Variants in CCNYL1 observed in about 807,000 individuals in gnomAD.
CCNYL1 encodes the protein cyclin-Y-like protein 1.
CCNYL1 carries 16 observed loss-of-function variants against 44.2 expected under a neutral mutation model. That is an observed-to-expected ratio of 0.36 (90% CI 0.25 to 0.55). CCNYL1 has a LOEUF of 0.55. Ranked by LOEUF, CCNYL1 falls within the 20% of genes least tolerant of loss-of-function variation. The pLI is 0.85. For synonymous variants in CCNYL1, 159 were observed against 163.2 expected, an observed-to-expected ratio of 0.97 and a Z score of 0.20; for missense variants, 348 against 451.8, an observed-to-expected ratio of 0.77 and a Z score of 2.08.
At chr2:207,717,699 A>G (rs917154314) in intron 1 of CCNYL1, among the ~76,000 whole-genome samples, 3 of 152,084 alleles carry the variant, frequency 2.0e-5, no homozygotes, top group African/African-American at 7.2e-5. Context: ...GTCCACACAG[A>G]CAGTTACTTT....
intron 7 of CCNYL1, among the ~76,000 whole-genome samples, chr2:207,745,187 T>C (rs2091845544): frequency 6.6e-6 from 1 of 151,800 alleles, no homozygotes; most frequent in African/African-American, 2.4e-5. Context: ...TCCGGGGAGT[T>C]GTGGGGAGGG....
At chr2:207,749,530 TG>T (rs2091877618) in intron 8 of CCNYL1, among the ~76,000 whole-genome samples, 1 of 152,268 alleles carries the variant, frequency 6.6e-6, no homozygotes, top group Non-Finnish European at 1.5e-5. Flanking sequence ...ATGCATATTC[TG>T]TAAGCATAAT....
chr2:207,744,972 C>A (rs1162156858), intron 7 of CCNYL1, among the ~76,000 whole-genome samples: 2 of 152,084 alleles, frequency 1.3e-5, no homozygotes, highest in African/African-American at 4.8e-5. Context: ...AATGGAAATG[C>A]CCTGTACAAT....
At position 207,711,758 on chromosome 2, in the gene CCNYL1, T is replaced by C; in HGVS notation, c.-139T>C. ...CGGGCGAACCGCGGGCGAGGCGGCG[T>C]CTGCTTGCGCGGTGCAGCCCCAGCG... is the stretch of plus-strand genomic sequence containing the variant. On this transcript the variant is annotated 5_prime_UTR_variant, in exon 1 of 10. Coordinates refer to ENST00000295414, the MANE Select transcript of CCNYL1 (RefSeq NM_001330218.2). 2 of 459,406 alleles carry C rather than the reference T, an allele frequency of 4.4e-6. No individual in the cohort carries two copies. The highest frequency in any genetic ancestry group is 6.9e-6 in the Non-Finnish European group (2 of 288,058). The allele number at this position is 459,406 out of a possible 1,614,324, so 28.5% of individuals were successfully genotyped here.
chr2:207,750,636 G>A, intron 8 of CCNYL1: 1 of 220,182 alleles, frequency 4.5e-6, no homozygotes, highest in Admixed American at 5.5e-5. Context: ...GATCACTATA[G>A]TGGGGCCTTG....
chr2:207,748,161 C>T (rs548748327), intron 8 of CCNYL1, among the ~76,000 whole-genome samples: 1 of 152,208 alleles, frequency 6.6e-6, no homozygotes, highest in East Asian at 1.9e-4. Context: ...ATCCCTGTGC[C>T]CCTGACCCCT....
At chr2:207,741,219 C>T (rs189398911) in intron 6 of CCNYL1, among the ~76,000 whole-genome samples, 3 of 151,966 alleles carry the variant, frequency 2.0e-5, no homozygotes, top group Non-Finnish European at 4.4e-5. Flanking sequence ...CGCTCCACTG[C>T]ACTCCAGCCT....
At chr2:207,743,203 G>T (rs963597023) in intron 7 of CCNYL1, among the ~76,000 whole-genome samples, 4 of 152,208 alleles carry the variant, frequency 2.6e-5, no homozygotes, top group Non-Finnish European at 5.9e-5. Flanking sequence ...TAAGCCATTT[G>T]GAACACTTAG....
chr2:207,743,818 G>A (rs982043626), intron 7 of CCNYL1, among the ~76,000 whole-genome samples: 2 of 150,884 alleles, frequency 1.3e-5, no homozygotes, highest in Non-Finnish European at 1.5e-5. Flanking sequence ...TTTTGTTTTT[G>A]TTTTTGTTTT....
intron 6 of CCNYL1, among the ~76,000 whole-genome samples, chr2:207,741,752 A>T (rs1031199417): frequency 6.6e-6 from 1 of 151,996 alleles, no homozygotes; most frequent in Admixed American, 6.6e-5. Flanking sequence ...AGGCTGAGGC[A>T]GGAGAATCAC....
rs2091550912 is a variant in CCNYL1, at chr2:207,711,879, G to A, written c.-18G>A. ...GGGGGCGAGCGAAGGCGGTGGCAGA[G>A]AGGAGCGGAGGCTTCCCATGGGGAA... On this transcript the variant is annotated 5_prime_UTR_variant, in exon 1 of 10. Transcript: ENST00000295414. 7.3e-7 allele frequency: 1 copy of A among 1,365,126 alleles called. No individual in the cohort carries two copies. 84.6% of individuals were successfully genotyped at this position (1,365,126 alleles called of 1,614,324 possible). A position where few individuals can be genotyped will look rare whatever the true frequency, so the allele number is the denominator to read the frequency against.
chr2:207,754,590 T>TA lies in CCNYL1; in HGVS notation c.*898dup, dbSNP rs2091917663. 1 of 152,466 alleles carries TA rather than the reference T, an allele frequency of 6.6e-6. No individual in the cohort carries two copies. The highest frequency in any genetic ancestry group is 1.9e-4 in the East Asian group (1 of 5,166). The allele number at this position is 152,466 out of a possible 1,614,324, so 9.4% of individuals were successfully genotyped here. On this transcript the variant is annotated 3_prime_UTR_variant, in exon 10 of 10. Coordinates refer to ENST00000295414, the MANE Select transcript of CCNYL1 (RefSeq NM_001330218.2). The stretch of plus-strand genomic sequence containing the variant: ...CATGAGTATAAATGCTATAAACCTT[T>TA]AAAAAACATGATTTGAAAGTTTTTT...
At position 207,754,467 on chromosome 2, in the gene CCNYL1, T is replaced by G. The variant is rs1164656161; in HGVS notation, c.*769T>G. ...TGCTAAATAAATGTATTAAAAGATA[T>G]TTTCATAATGCCAACCAACATGGTG... On this transcript the variant is annotated 3_prime_UTR_variant, in exon 10 of 10. Coordinates refer to ENST00000295414, the MANE Select transcript of CCNYL1 (RefSeq NM_001330218.2). The G allele has an allele frequency of 2.0e-5, 3 of 152,640 alleles. No individual in the cohort carries two copies. Among genetic ancestry groups the G allele is most frequent in the African/African-American group, 7.2e-5 (3 of 41,456 alleles). The allele number at this position is 152,640 out of a possible 1,614,324, so 9.5% of individuals were successfully genotyped here. A position where few individuals can be genotyped will look rare whatever the true frequency, so the allele number is the denominator to read the frequency against.
chr2:207,732,652 T>G (rs1263156097), intron 3 of CCNYL1, among the ~76,000 whole-genome samples: 1 of 152,166 alleles, frequency 6.6e-6, no homozygotes. Flanking sequence ...AAAATGCTAC[T>G]GTTACTTTCA....
Position 207,711,831 on chromosome 2 carries a change from C to T in CCNYL1, c.-66C>T, listed in dbSNP as rs1402152972. On this transcript the variant is annotated 5_prime_UTR_variant, in exon 1 of 10. Transcript: ENST00000295414. Reference sequence around the variant, plus strand: ...GCCGCGCCATTGTTGGGGGAGGGGGCGGCTGTTGAGGGCGGCGGAGTAGGG... The same window carrying T: ...GCCGCGCCATTGTTGGGGGAGGGGGTGGCTGTTGAGGGCGGCGGAGTAGGG... The T allele has an allele frequency of 2.1e-5, 23 of 1,117,374 alleles. No individual in the cohort carries two copies. Among genetic ancestry groups the T allele is most frequent in the Middle Eastern group, 3.2e-4 (1 of 3,096 alleles). The allele number at this position is 1,117,374 out of a possible 1,614,324, so 69.2% of individuals were successfully genotyped here.
chr2:207,752,189 T>G (rs894941763), intron 9 of CCNYL1, among the ~76,000 whole-genome samples: 2 of 152,118 alleles, frequency 1.3e-5, no homozygotes, highest in Admixed American at 1.3e-4. Context: ...AGACAAAGGA[T>G]TAGTGGATAA....
intron 5 of CCNYL1, among the ~76,000 whole-genome samples, chr2:207,738,467 C>G (rs908769028): frequency 6.6e-6 from 1 of 152,092 alleles, no homozygotes; most frequent in Non-Finnish European, 1.5e-5. Context: ...GTGATCCACC[C>G]GCCTCAGCCT....
At position 207,711,808 on chromosome 2, in the gene CCNYL1, C is replaced by T. The variant is rs1575204663; in HGVS notation, c.-89C>T. 2.0e-5 allele frequency: 18 copies of T among 910,814 alleles called. 2 individuals are homozygous for T. The highest frequency in any genetic ancestry group is 2.1e-5 in the Non-Finnish European group (14 of 667,596). 56.4% of individuals were successfully genotyped at this position (910,814 alleles called of 1,614,324 possible). On this transcript the variant is annotated 5_prime_UTR_variant, in exon 1 of 10. Transcript: ENST00000295414. Reference sequence around the variant, plus strand: ...GTAGCCCGGGGCTGCCGGTGCCGGCCGCGCCATTGTTGGGGGAGGGGGCGG... The same window carrying T: ...GTAGCCCGGGGCTGCCGGTGCCGGCTGCGCCATTGTTGGGGGAGGGGGCGG...
chr2:207,748,863 C>T (rs1313092841), intron 8 of CCNYL1, among the ~76,000 whole-genome samples: 4 of 152,188 alleles, frequency 2.6e-5, no homozygotes, highest in African/African-American at 9.7e-5. Context: ...AAGGGTGTGA[C>T]AGCAAATGAA....
Sources: gnomAD v4.1 joint callset for allele counts (sites outside exome capture counted in the v4.1 genomes callset) on GRCh38, gnomAD v4.1.1 for gene constraint, MANE v1.5 for transcripts, NCBI Gene and HGNC (gene_info 2026-07-23, HGNC 2026-07-21) for gene names.